PLCG2: variants seen among roughly 807,000 people sequenced by gnomAD.
PLCG2 encodes the protein phospholipase C gamma 2, also known as 1-phosphatidylinositol 4,5-bisphosphate phosphodiesterase gamma-2.
Under a neutral mutation model 175.6 loss-of-function variants are expected in PLCG2, and 69 were observed. The ratio of observed to expected loss-of-function variants is 0.39; its 90% CI spans 0.32 to 0.48. The LOEUF (loss-of-function observed/expected upper bound fraction) is 0.48, where lower values mean the gene tolerates loss of function less well. Ranked by LOEUF, PLCG2 falls within the 20% of genes least tolerant of loss-of-function variation. PLCG2 has a pLI of 0.91. For missense variants in PLCG2, 1,798 were observed against 1,650.9 expected (o/e 1.09, Z -1.54); for synonymous variants, 827 against 624.0 (o/e 1.33, Z -4.85).
chr16:81,949,843 T>C (rs1911296536), intron 31 of PLCG2, among the ~76,000 whole-genome samples: 1 of 151,916 alleles, frequency 6.6e-6, no homozygotes, highest in Admixed American at 6.6e-5. Context: ...CATGGAAAGG[T>C]AAAATAAAGG....
intron 9 of PLCG2, among the ~76,000 whole-genome samples, chr16:81,884,093 A>G (rs1908230819): frequency 6.6e-6 from 1 of 152,184 alleles, no homozygotes; most frequent in African/African-American, 2.4e-5. Context: ...GCTCACGCCT[A>G]TAATCCCAGC....
intron 2 of PLCG2, among the ~76,000 whole-genome samples, chr16:81,835,925 A>G (rs1240169787): frequency 6.6e-6 from 1 of 152,066 alleles, no homozygotes; most frequent in African/African-American, 2.4e-5. Context: ...TCCCTCTTAC[A>G]AGGACAGTAG....
chr16:81,775,644 G>C (rs1910382484), upstream of PLCG2, among the ~76,000 whole-genome samples: 1 of 152,190 alleles, frequency 6.6e-6, no homozygotes, highest in African/African-American at 2.4e-5. Context: ...CCAGCAAAGA[G>C]AAGAGGGTAA....
At chr16:81,935,041 C>T (rs1336462968) in intron 26 of PLCG2, among the ~76,000 whole-genome samples, 1 of 152,086 alleles carries the variant, frequency 6.6e-6, no homozygotes, top group Non-Finnish European at 1.5e-5. Flanking sequence ...ACCATATCAC[C>T]CACTTAGTGG....
At chr16:81,762,686 T>C (rs1005349918) in intron 2 of PLCG2, among the ~76,000 whole-genome samples, 37 of 152,278 alleles carry the variant, frequency 2.4e-4, no homozygotes, top group African/African-American at 8.9e-4. Flanking sequence ...GCCAAGGGAC[T>C]TCCTGACAAT....
At chr16:81,775,020 A>G (rs1567456397), upstream of PLCG2, among the ~76,000 whole-genome samples, 2 of 152,162 alleles carry the variant, frequency 1.3e-5, no homozygotes, top group East Asian at 3.8e-4. Context: ...AGCTGAGATT[A>G]CAGGTATGAG....
intron 13 of PLCG2, among the ~76,000 whole-genome samples, chr16:81,896,990 C>T (rs1332164565): frequency 6.6e-6 from 1 of 152,196 alleles, no homozygotes; most frequent in African/African-American, 2.4e-5. Context: ...TATAAAGAGC[C>T]AGATACAAAT....
At chr16:81,803,523 T>C (rs938482589) in intron 2 of PLCG2, among the ~76,000 whole-genome samples, 1 of 130,434 alleles carries the variant, frequency 7.7e-6, no homozygotes, top group Admixed American at 7.8e-5. Flanking sequence ...TTGTTCTTTC[T>C]TTCCTTTCTT....
At chr16:81,761,563 A>G (rs902015470) in intron 2 of PLCG2, among the ~76,000 whole-genome samples, 1 of 152,190 alleles carries the variant, frequency 6.6e-6, no homozygotes, top group East Asian at 1.9e-4. Flanking sequence ...AAACTTGACC[A>G]TGGCTCGAAC....
chr16:81,775,891 A>T (rs1567456620), upstream of PLCG2, among the ~76,000 whole-genome samples: 1 of 151,742 alleles, frequency 6.6e-6, no homozygotes, highest in East Asian at 1.9e-4. Flanking sequence ...CCCTGCCTGA[A>T]TGCCTCTTAT....
intron 1 of PLCG2, among the ~76,000 whole-genome samples, chr16:81,741,441 T>G (rs377298026): frequency 7.9e-5 from 12 of 152,112 alleles, no homozygotes; most frequent in African/African-American, 2.4e-4. Flanking sequence ...CGTCAAAAAT[T>G]TTTGCCCTTT....
Position 81,854,584 on chromosome 16 carries a change from G to T in PLCG2, c.334G>T (p.Ala112Ser). The T allele has an allele frequency of 6.2e-7, 1 of 1,613,540 alleles. No homozygotes were observed. Among genetic ancestry groups the T allele is most frequent in the Non-Finnish European group, 8.5e-7 (1 of 1,179,538 alleles). ...TQFVLSTLSL[A>S]ADSKEDAVNW... ...GTTCGTCCTCAGCACGCTCAGCTTGGCAGGTAGGTGCATGTTTCTGTGCCT... is the reference window on the plus strand; with the variant it reads ...GTTCGTCCTCAGCACGCTCAGCTTGTCAGGTAGGTGCATGTTTCTGTGCCT... The change falls in exon 3 of 33, where the codon GCA (alanine) becomes TCA (serine). Residue 112 changes from alanine to serine, a missense_variant. Ala to Ser is a moderately conservative substitution (Grantham distance 99, BLOSUM62 1). Transcript: ENST00000564138.
intron 17 of PLCG2, among the ~76,000 whole-genome samples, chr16:81,909,607 G>T (rs987161062): frequency 6.6e-6 from 1 of 152,160 alleles, no homozygotes; most frequent in African/African-American, 2.4e-5. Flanking sequence ...TGTAGAGCTG[G>T]AGTCTCACTA....
intron 1 of PLCG2, among the ~76,000 whole-genome samples, chr16:81,782,661 A>G (rs1284973448): frequency 6.6e-6 from 1 of 152,184 alleles, no homozygotes; most frequent in Non-Finnish European, 1.5e-5. Context: ...TTCGTGAGAT[A>G]CAAGAACCCC....
chr16:81,898,051 G>T, intron 13 of PLCG2: 1 of 339,802 alleles, frequency 2.9e-6, no homozygotes, highest in Non-Finnish European at 5.9e-6. Flanking sequence ...GAAGGAGCTG[G>T]TATTAACAGA....
intron 2 of PLCG2, among the ~76,000 whole-genome samples, chr16:81,824,816 G>A (rs1904974647): frequency 6.6e-6 from 1 of 152,226 alleles, no homozygotes; most frequent in Admixed American, 6.5e-5. Context: ...CTGTGGATAT[G>A]TTACATTATG....
Position 81,907,705 on chromosome 16 carries a change from C to T in PLCG2, c.1488C>T (p.Cys496=), listed in dbSNP as rs554793625. The T allele has an allele frequency of 1.5e-5, 24 of 1,613,508 alleles. No individual in the cohort carries two copies. Among genetic ancestry groups the T allele is most frequent in the South Asian group, 7.7e-5 (7 of 91,076 alleles). The change falls in exon 16 of 33, where the codon TGC becomes TGT. Residue 496 remains cysteine (C), a synonymous_variant. Coordinates refer to ENST00000564138, the MANE Select transcript of PLCG2 (RefSeq NM_002661.5). The part of the protein sequence containing the change: ...SIDQKWTRHY[C]AIADAKLSFS... ...TCTAGAAATGGACTCGGCACTACTG[C>T]GCCATTGCCGATGCCAAGCTGTCCT...
intron 13 of PLCG2, among the ~76,000 whole-genome samples, chr16:81,899,270 G>GTGTATATA (rs1452614407): frequency 6.8e-6 from 1 of 147,660 alleles, no homozygotes; most frequent in African/African-American, 2.5e-5. Context: ...GAGTATGTGT[G>GTGTATATA]TATATATATA....
chr16:81,758,089 C>A (rs1348927899), intron 2 of PLCG2, among the ~76,000 whole-genome samples: 1 of 152,182 alleles, frequency 6.6e-6, no homozygotes. Flanking sequence ...GATCCTCCCA[C>A]CTCAGCCTCC....
Sources: gnomAD v4.1 joint callset for allele counts (sites outside exome capture counted in the v4.1 genomes callset) on GRCh38, gnomAD v4.1.1 for gene constraint, MANE v1.5 for transcripts, NCBI Gene and HGNC (gene_info 2026-07-23, HGNC 2026-07-21) for gene names.